NAPG: variants seen among roughly 807,000 people sequenced by gnomAD.
NAPG encodes the protein gamma-soluble NSF attachment protein.
NAPG carries 25 observed loss-of-function variants against 48.4 expected under a neutral mutation model. That is an observed-to-expected ratio of 0.52 (90% CI 0.38 to 0.72). NAPG has a LOEUF of 0.72. Among genes scored for constraint, NAPG ranks in the 30% least tolerant of loss-of-function variants. NAPG has a pLI of 0.00. For missense variants in NAPG, 359 were observed against 372.5 expected (o/e 0.96, Z 0.30); for synonymous variants, 139 against 127.2 (o/e 1.09, Z -0.62).
In NAPG at chr18:10,543,697, G is replaced by C. The variant is rs2032203593; in HGVS notation, c.507-2629G>C. Among the ~76,000 whole-genome samples the C allele has an allele frequency of 6.6e-6, 1 of 152,104 alleles. No individual in the cohort carries two copies. On this transcript the variant is annotated intron_variant, in intron 8 of 11. Transcript: ENST00000322897. This position sits in a 1 kb window ranked among gnomAD's most constrained non-coding sequence, Gnocchi z 4.4. Reference sequence around the variant, plus strand: ...GTGGGGTTTCAATTTTGTTACATTTGGGGAAGATAAAAACAATTTATTCTT... The same window carrying C: ...GTGGGGTTTCAATTTTGTTACATTTCGGGAAGATAAAAACAATTTATTCTT...
rs2032100486 is a variant in NAPG at position 10,539,427 on chromosome 18, C to G, written c.259-335C>G. ...AAACACAGGAACAGAAAACCAAACACCGCATGTTCTCACTCATACGTGGGA... is the reference window on the plus strand; with the variant it reads ...AAACACAGGAACAGAAAACCAAACAGCGCATGTTCTCACTCATACGTGGGA... On this transcript the variant is annotated intron_variant, in intron 5 of 11. Coordinates refer to ENST00000322897, the MANE Select transcript of NAPG (RefSeq NM_003826.3). The surrounding 1 kb of genome is among the most constrained non-coding windows in gnomAD (Gnocchi z 4.7). The G allele has an allele frequency of 4.6e-6, 1 of 219,282 alleles. No individual in the cohort carries two copies. Among genetic ancestry groups the G allele is most frequent in the Non-Finnish European group, 9.2e-6 (1 of 108,892 alleles). The allele number at this position is 219,282 out of a possible 1,614,324, so 13.6% of individuals were successfully genotyped here. A position where few individuals can be genotyped will look rare whatever the true frequency, so the allele number is the denominator to read the frequency against.
At chr18:10,530,992 C>T (rs937418610) in intron 2 of NAPG, among the ~76,000 whole-genome samples, 155 bp downstream of exon 2, 33 of 152,054 alleles carry the variant, frequency 2.2e-4, no homozygotes, top group Non-Finnish European at 4.7e-4. Context: ...TTTTTTTCCA[C>T]TTGTTATTTT....
Position 10,540,504 on chromosome 18 carries a change from T to C in NAPG, c.506+105T>C. The C allele has an allele frequency of 3.7e-6, 3 of 815,514 alleles. No individual in the cohort carries two copies. The South Asian group carries it at 4.7e-5, about 13-fold the overall frequency. The allele number at this position is 815,514 out of a possible 1,614,324, so 50.5% of individuals were successfully genotyped here. A position where few individuals can be genotyped will look rare whatever the true frequency, so the allele number is the denominator to read the frequency against. ...AGCTTGTTAATTTTTTGGTATAAGC[T>C]GTAGACACACCAGGCCACACAATAG... On this transcript the variant is annotated intron_variant, in intron 8 of 11. Coordinates refer to ENST00000322897, the MANE Select transcript of NAPG (RefSeq NM_003826.3).
Position 10,543,334 on chromosome 18 carries a change from A to T in NAPG, c.506+2935A>T, listed in dbSNP as rs552180. Among the ~76,000 whole-genome samples, 51,595 of 151,716 alleles carry T rather than the reference A, an allele frequency of 0.34. 8,846 individuals are homozygous for T. The highest frequency in any genetic ancestry group is 0.41 in the East Asian group (2,120 of 5,144). On this transcript the variant is annotated intron_variant, in intron 8 of 11. Coordinates refer to ENST00000322897, the MANE Select transcript of NAPG (RefSeq NM_003826.3). The surrounding 1 kb of genome is among the most constrained non-coding windows in gnomAD (Gnocchi z 4.4). The stretch of plus-strand genomic sequence containing the variant: ...GTCTGAGACAGTCACTAGATCCTAA[A>T]CACAAGGAGGGTTGGGTGTGTATAT...
intron 7 of NAPG, 91 bp from the exon 8 acceptor site, chr18:10,540,238 G>A (rs2032123425): frequency 8.4e-7 from 1 of 1,194,686 alleles, no homozygotes; most frequent in African/African-American, 1.5e-5. Flanking sequence ...CCTTGATCCA[G>A]TGCCATTACT....
intron 1 of NAPG, among the ~76,000 whole-genome samples, chr18:10,529,559 C>A (rs540677351): frequency 6.6e-6 from 1 of 152,216 alleles, no homozygotes; most frequent in Non-Finnish European, 1.5e-5. Flanking sequence ...TTCGAGACCA[C>A]CTGGCCAACA....
In NAPG at chr18:10,548,551, T is replaced by TC. The variant is rs1471246032; in HGVS notation, c.665+176dup. Among the ~76,000 whole-genome samples, 2 of 151,636 alleles carry TC rather than the reference T, an allele frequency of 1.3e-5. No individual in the cohort carries two copies. Among genetic ancestry groups the TC allele is most frequent in the African/African-American group, 2.4e-5 (1 of 41,046 alleles). ...GGGTGTTTTACACCTTTTTTTTTTT[T>TC]CCCTTTCCTGTATTTTTCTCTAGGG... On this transcript the variant is annotated intron_variant, in intron 10 of 11. Transcript: ENST00000322897. The surrounding 1 kb of genome is among the most constrained non-coding windows in gnomAD (Gnocchi z 4.4).
chr18:10,533,652 ATT>A, intron 4 of NAPG, 99 bp downstream of exon 4: 2 of 979,034 alleles, frequency 2.0e-6, no homozygotes, highest in Non-Finnish European at 3.0e-6. Context: ...TAAATTTTGT[ATT>A]GATTTAAATA....
chr18:10,548,373 C>G lies in NAPG; in HGVS notation c.660C>G (p.Ser220Arg). ...YVAAERCVRE[S>R]YSIPGFNGSE... ...CTGCAGAAAGATGTGTCCGGGAGAG[C>G]TATAGGTAAGACGTTGTCTGGGCCC... Residue 220 changes from serine to arginine, a missense_variant, in exon 10 of 12, where the codon AGC becomes AGG. Coordinates refer to ENST00000322897, the MANE Select transcript of NAPG (RefSeq NM_003826.3). This position sits in a 1 kb window ranked among gnomAD's most constrained non-coding sequence, Gnocchi z 4.4. 1.2e-6 allele frequency: 2 copies of G among 1,612,908 alleles called. No homozygotes were observed. Among genetic ancestry groups the G allele is most frequent in the Non-Finnish European group, 1.7e-6 (2 of 1,178,996 alleles).
In NAPG at chr18:10,551,830, C is replaced by A. The variant is rs1047130776; in HGVS notation, c.*1610C>A. On this transcript the variant is annotated 3_prime_UTR_variant, in exon 12 of 12. Coordinates refer to ENST00000322897, the MANE Select transcript of NAPG (RefSeq NM_003826.3). ...TACAGTCTTTATTGTAAGTCTGATA[C>A]AAAATGCTAATAAATTTAATGTTTT... The A allele has an allele frequency of 2.0e-5, 3 of 152,150 alleles. No homozygotes were observed. Among genetic ancestry groups the A allele is most frequent in the African/African-American group, 4.8e-5 (2 of 41,446 alleles). 9.4% of individuals were successfully genotyped at this position (152,150 alleles called of 1,614,324 possible). A position where few individuals can be genotyped will look rare whatever the true frequency, so the allele number is the denominator to read the frequency against.
At position 10,551,712 on chromosome 18, in the gene NAPG, G is replaced by T. The variant is rs1266820581; in HGVS notation, c.*1492G>T. ...TAGACTTCCTGAAAACACTAAGGTG[G>T]AGTATCAGAAGTGATTTTAGTCACA... On this transcript the variant is annotated 3_prime_UTR_variant, in exon 12 of 12. Transcript: ENST00000322897. The T allele has an allele frequency of 6.6e-6, 1 of 152,154 alleles. No individual in the cohort carries two copies. Among genetic ancestry groups the T allele is most frequent in the East Asian group, 1.9e-4 (1 of 5,198 alleles). 9.4% of individuals were successfully genotyped at this position (152,154 alleles called of 1,614,324 possible).
intron 1 of NAPG, among the ~76,000 whole-genome samples, chr18:10,529,608 C>T (rs187665031): frequency 5.3e-5 from 8 of 152,260 alleles, no homozygotes; most frequent in Admixed American, 5.2e-4. Flanking sequence ...CAAAAATTAG[C>T]TGAGTGTGGT....
rs1450103492 is a variant in NAPG, at chr18:10,544,464, T to C, written c.507-1862T>C. 6.6e-6 allele frequency among the ~76,000 whole-genome samples: 1 copy of C among 152,212 alleles called. No homozygotes were observed. Among genetic ancestry groups the C allele is most frequent in the Non-Finnish European group, 1.5e-5 (1 of 68,030 alleles). On this transcript the variant is annotated intron_variant, in intron 8 of 11. Transcript: ENST00000322897. The surrounding 1 kb of genome is among the most constrained non-coding windows in gnomAD (Gnocchi z 5.1). ...CAGCTGTGTGGAAGAGATTCCTGTT[T>C]TCTTGTTGCCTGTTCGCCAGGAACT...
intron 11 of NAPG, 66 bp downstream of exon 11, chr18:10,549,162 A>G: frequency 1.3e-6 from 2 of 1,533,980 alleles, no homozygotes; most frequent in Non-Finnish European, 1.8e-6. Flanking sequence ...TAGTGAGATT[A>G]TTTTTTACCC....
rs2031798489 is a variant in NAPG, at chr18:10,526,032, T to TGG, written c.-69_-68dup. 1.4e-6 allele frequency: 2 copies of TGG among 1,478,986 alleles called. No individual in the cohort carries two copies. Among genetic ancestry groups the TGG allele is most frequent in the South Asian group, 1.1e-5 (1 of 87,682 alleles). The allele number at this position is 1,478,986 out of a possible 1,614,324, so 91.6% of individuals were successfully genotyped here. On this transcript the variant is annotated 5_prime_UTR_variant, in exon 1 of 12. Transcript: ENST00000322897. ...CCTCCTCGGCGTTCCCACGCCTATTTGGGCGGATTCTTGGCGCCGGAGGAA... is the reference window on the plus strand; with the variant it reads ...CCTCCTCGGCGTTCCCACGCCTATTTGGGGGCGGATTCTTGGCGCCGGAGGAA...
rs113658668 is a variant in NAPG at position 10,550,956 on chromosome 18, T to C, written c.*736T>C. On this transcript the variant is annotated 3_prime_UTR_variant, in exon 12 of 12. Transcript: ENST00000322897. The stretch of plus-strand genomic sequence containing the variant: ...TGGTTCTTGACCAAATAGGAGCTAA[T>C]GGGTAATGAATACCTTTTTGTTTGT... 3.9e-5 allele frequency: 6 copies of C among 152,122 alleles called. No individual in the cohort carries two copies. The highest frequency in any genetic ancestry group is 1.2e-4 in the African/African-American group (5 of 41,510). 9.4% of individuals were successfully genotyped at this position (152,122 alleles called of 1,614,324 possible).
Position 10,539,598 on chromosome 18 carries a change from A to G in NAPG, c.259-164A>G, listed in dbSNP as rs971638418. 6 of 616,718 alleles carry G rather than the reference A, an allele frequency of 9.7e-6. No individual in the cohort carries two copies. Among genetic ancestry groups the G allele is most frequent in the African/African-American group, 3.7e-5 (2 of 54,144 alleles). 38.2% of individuals were successfully genotyped at this position (616,718 alleles called of 1,614,324 possible). On this transcript the variant is annotated intron_variant, in intron 5 of 11. Transcript: ENST00000322897. The surrounding 1 kb of genome is among the most constrained non-coding windows in gnomAD (Gnocchi z 4.7). ...AAACCTAGATGATGGGTTGATAGGT[A>G]TAGCAAACCACCATGGGACATGTAT...
intron 5 of NAPG, among the ~76,000 whole-genome samples, chr18:10,537,287 C>G (rs2032054944): frequency 6.6e-6 from 1 of 152,070 alleles, no homozygotes; most frequent in African/African-American, 2.4e-5. Context: ...ATAATATAAA[C>G]AGTCAGTTAG....
intron 1 of NAPG, among the ~76,000 whole-genome samples, chr18:10,530,178 C>T (rs188097777): frequency 0.012 from 1,402 of 118,860 alleles, 24 homozygotes; most frequent in African/African-American, 0.041. Context: ...TTATGGGTGG[C>T]GAGTTTTCAC....
Sources: allele counts gnomAD v4.1 joint callset (sites outside exome capture counted in the v4.1 genomes callset), GRCh38; gene constraint gnomAD v4.1.1; non-coding constraint Gnocchi (gnomAD v3.1); transcripts MANE v1.5; gene names NCBI Gene and HGNC (gene_info 2026-07-23, HGNC 2026-07-21).